C2CD3: variants seen among roughly 807,000 people sequenced by gnomAD.
The protein encoded by C2CD3 is C2 domain-containing protein 3.
Under a neutral mutation model 234.0 loss-of-function variants are expected in C2CD3, and 148 were observed. The observed-to-expected ratio is 0.63, with a 90% CI of 0.55 to 0.72. The LOEUF (loss-of-function observed/expected upper bound fraction) is 0.72. Among genes scored for constraint, C2CD3 ranks in the 30% least tolerant of loss-of-function variants. The pLI is 0.00. For synonymous variants in C2CD3, 1,000 were observed against 1,035.4 expected (o/e 0.97, Z 0.66); for missense variants, 2,577 against 2,811.5 (o/e 0.92, Z 1.89).
At chr11:74,084,093 C>T (rs1486150311) in intron 22 of C2CD3, among the ~76,000 whole-genome samples, 1 of 152,128 alleles carries the variant, frequency 6.6e-6, no homozygotes, top group African/African-American at 2.4e-5. Flanking sequence ...CACATATACA[C>T]CATGGAATAC....
At chr11:74,047,015 T>C (rs1953409654) in intron 28 of C2CD3, among the ~76,000 whole-genome samples, 1 of 152,236 alleles carries the variant, frequency 6.6e-6, no homozygotes, top group African/African-American at 2.4e-5. Context: ...TACTATATTA[T>C]TTTCATCCTA....
intron 27 of C2CD3, among the ~76,000 whole-genome samples, chr11:74,049,110 T>C (rs1176229211): frequency 6.6e-6 from 1 of 152,212 alleles, no homozygotes; most frequent in Non-Finnish European, 1.5e-5. Flanking sequence ...AATTCATCCT[T>C]TTAAAAAGCT....
At position 74,073,586 on chromosome 11, in the gene C2CD3, CAAAAAAA is replaced by C. The variant is rs72379516; in HGVS notation, c.4951+660_4951+666del. On this transcript the variant is annotated intron_variant, in intron 24 of 32. Transcript: ENST00000334126. ...TGGGCGACAGAGCAAGACTTTGTTT[CAAAAAAA>C]AAAAAAAAAAAATCAAAACAAACAA... Among the ~76,000 whole-genome samples the C allele has an allele frequency of 4.4e-5, 5 of 114,586 alleles. No homozygotes were observed. The East Asian group carries it at 1.3e-3, about 30-fold the overall frequency. 75.2% of individuals were successfully genotyped at this position (114,586 alleles called of 152,430 possible).
intron 28 of C2CD3, among the ~76,000 whole-genome samples, chr11:74,044,910 C>T (rs952535083): frequency 1.1e-4 from 17 of 150,434 alleles, no homozygotes; most frequent in Non-Finnish European, 2.2e-4. Context: ...TTTTTAATGG[C>T]TGTGAGAGTT....
intron 2 of C2CD3, 26 bp downstream of exon 2, chr11:74,168,318 G>A (rs1401319956): frequency 6.3e-7 from 1 of 1,586,692 alleles, no homozygotes; most frequent in East Asian, 2.2e-5. Flanking sequence ...TACGTCTGCA[G>A]GTGCAATGAT....
rs1235410452 is a variant in C2CD3 at position 74,135,972 on chromosome 11, G to T, written c.956-2415C>A. Among the ~76,000 whole-genome samples, 4 of 152,212 alleles carry T rather than the reference G, an allele frequency of 2.6e-5. No homozygotes were observed. The East Asian group carries it at 7.7e-4, about 29-fold the overall frequency. On this transcript the variant is annotated intron_variant, in intron 5 of 32. Coordinates refer to ENST00000334126, the MANE Select transcript of C2CD3 (RefSeq NM_001286577.2). ...ATAGAAACTGGGGACTACTAGAGGG[G>T]TAAGGAAGATGGGGGCAAGGGTTGA...
intron 28 of C2CD3, among the ~76,000 whole-genome samples, chr11:74,045,940 A>C (rs1177083582): frequency 6.6e-6 from 1 of 152,160 alleles, no homozygotes; most frequent in Non-Finnish European, 1.5e-5. Context: ...ATTATGTTTT[A>C]AAAGTTTCTG....
chr11:74,040,372 T>C (rs1435273732), intron 29 of C2CD3, among the ~76,000 whole-genome samples: 3 of 152,170 alleles, frequency 2.0e-5, no homozygotes, highest in African/African-American at 4.8e-5. Flanking sequence ...TATAGCACTA[T>C]TGATCAATTT....
chr11:74,167,651 T>C (rs1240425799), intron 2 of C2CD3, among the ~76,000 whole-genome samples: 1 of 152,262 alleles, frequency 6.6e-6, no homozygotes, highest in Non-Finnish European at 1.5e-5. Context: ...TCGAATTTTA[T>C]TGACTTGAAC....
In C2CD3 at chr11:74,078,581, C is replaced by G; in HGVS notation, c.4137G>C (p.Leu1379Phe). 6.2e-7 allele frequency: 1 copy of G among 1,614,134 alleles called. No individual in the cohort carries two copies. Among genetic ancestry groups the G allele is most frequent in the South Asian group, 1.1e-5 (1 of 91,080 alleles). Reference protein sequence around the residue: ...FTHRGDRERVLEAAEHLGWSF... With the variant: ...FTHRGDRERVFEAAEHLGWSF... ...TCCAGCCCAAATGCTCAGCAGCTTC[C>G]AACACCCGTTCTCTATCTCCACGAT... The change falls in exon 23 of 33, where the codon TTG (leucine) becomes TTC (phenylalanine). Residue 1379 changes from leucine (L) to phenylalanine (F), a missense_variant. Transcript: ENST00000334126.
chr11:74,033,300 C>A (rs971588626), intron 31 of C2CD3, 51 bp downstream of exon 31: 16 of 1,471,382 alleles, frequency 1.1e-5, no homozygotes, highest in Middle Eastern at 4.1e-4. Flanking sequence ...TCACACTAGG[C>A]TAGTCTAAGT....
chr11:74,040,964 A>AT (rs570727716), intron 29 of C2CD3, among the ~76,000 whole-genome samples: 27,917 of 133,816 alleles, frequency 0.21, 2,986 homozygotes, highest in Admixed American at 0.27. Flanking sequence ...TTTTCCTTAA[A>AT]TTTTTTTTTT....
intron 7 of C2CD3, among the ~76,000 whole-genome samples, chr11:74,132,351 A>AAAAAAAC (rs1462999523): frequency 6.6e-6 from 1 of 152,200 alleles, no homozygotes; most frequent in Non-Finnish European, 1.5e-5. Flanking sequence ...ACTCCGTCTC[A>AAAAAAAC]AAAAAACAAA....
intron 3 of C2CD3, among the ~76,000 whole-genome samples, chr11:74,143,577 G>A (rs1457699704): frequency 6.7e-6 from 1 of 148,526 alleles, no homozygotes; most frequent in East Asian, 1.9e-4. Flanking sequence ...ATATTTTAGG[G>A]GTCTTGCTCT....
At chr11:74,097,781 T>C (rs896383349) in intron 16 of C2CD3, among the ~76,000 whole-genome samples, 7 of 152,318 alleles carry the variant, frequency 4.6e-5, no homozygotes, top group East Asian at 3.9e-4. Flanking sequence ...GGTTGTTCGA[T>C]TGGATTTTCT....
chr11:74,078,022 CAAGTA>C (rs1249042295), intron 23 of C2CD3, 88 bp downstream of exon 23: 5 of 1,430,936 alleles, frequency 3.5e-6, no homozygotes, highest in African/African-American at 1.4e-5. Context: ...CTGGGAGGGT[CAAGTA>C]AAGTAATGTC....
chr11:74,046,484 C>T (rs1025898214), intron 28 of C2CD3, among the ~76,000 whole-genome samples: 1 of 152,162 alleles, frequency 6.6e-6, no homozygotes, highest in African/African-American at 2.4e-5. Context: ...GCTAGGACTA[C>T]AGGCAGGCAA....
chr11:74,115,195 C>A (rs190452252), intron 9 of C2CD3, among the ~76,000 whole-genome samples: 1 of 148,932 alleles, frequency 6.7e-6, no homozygotes, highest in African/African-American at 2.5e-5. Flanking sequence ...TAGATATATA[C>A]ACACACACAC....
chr11:74,042,128 C>G lies in C2CD3; in HGVS notation c.5586G>C (p.Glu1862Asp). Reference protein sequence around the residue: ...RFHESLHLQGEAPLPCDDKLT... With the variant: ...RFHESLHLQGDAPLPCDDKLT... ...GTTTGTCATCACATGGCAAGGGTGC[C>G]TCTCCCTGAAGATGCAGGGATTCAT... Residue 1862 changes from glutamate to aspartate, a missense_variant, in exon 29 of 33, where the codon GAG (glutamate) becomes GAC (aspartate). Glu to Asp is a conservative substitution (Grantham distance 45). Coordinates refer to ENST00000334126, the MANE Select transcript of C2CD3 (RefSeq NM_001286577.2). The G allele has an allele frequency of 1.2e-6, 2 of 1,613,532 alleles. No individual in the cohort carries two copies. Among genetic ancestry groups the G allele is most frequent in the African/African-American group, 2.7e-5 (2 of 74,782 alleles).
Sources: allele counts gnomAD v4.1 joint callset (sites outside exome capture counted in the v4.1 genomes callset), GRCh38; gene constraint gnomAD v4.1.1; transcripts MANE v1.5; gene names NCBI Gene and HGNC (gene_info 2026-07-23, HGNC 2026-07-21).